Variants in FCRLB observed in about 807,000 individuals in gnomAD.
FCRLB encodes Fc receptor like B.
Under a neutral mutation model 33.6 loss-of-function variants are expected in FCRLB, and 34 were observed. The ratio of observed to expected loss-of-function variants is 1.01; its 90% CI spans 0.77 to 1.35. The LOEUF is 1.35. Among genes scored for constraint, FCRLB ranks in the 40% most tolerant of loss-of-function variants. The pLI is 0.00. For synonymous variants in FCRLB, 280 were observed against 255.9 expected, an observed-to-expected ratio of 1.09 and a Z score of -0.90; for missense variants, 560 against 580.2, an observed-to-expected ratio of 0.97 and a Z score of 0.36.
chr1:161,727,358 C>G, exon 8 of FCRLB: 1 of 1,613,768 alleles, frequency 6.2e-7, no homozygotes, highest in Non-Finnish European at 8.5e-7. Flanking sequence ...AGATCGGTCC[C>G]GTTGGTCACC....
At chr1:161,727,960 A>G (rs1319491211) in exon 8 of FCRLB, 3 of 307,950 alleles carry the variant, frequency 9.7e-6, no homozygotes, top group East Asian at 1.1e-4. Flanking sequence ...AAGCCTAGCC[A>G]GTACATATTT....
chr1:161,726,482 G>A lies in FCRLB; in HGVS notation c.575-221G>A, dbSNP rs1447471226. On this transcript the variant is annotated intron_variant, in intron 6 of 7. Transcript: ENST00000367948. The surrounding 1 kb of genome is among the most constrained non-coding windows in gnomAD (Gnocchi z 5.2). ...GTCGGGATGTGACATGAAGCGTCTG[G>A]CCTGGTCCCTCTTCCTTTCAAGCTT... The A allele has an allele frequency of 5.3e-6, 4 of 752,852 alleles. No individual in the cohort carries two copies. The highest frequency in any genetic ancestry group is 4.5e-4 in the Middle Eastern group (2 of 4,450). The allele number at this position is 752,852 out of a possible 1,614,324, so 46.6% of individuals were successfully genotyped here.
exon 8 of FCRLB, chr1:161,727,389 C>T (rs773850623): frequency 6.2e-6 from 10 of 1,613,600 alleles, no homozygotes; most frequent in South Asian, 1.1e-5. Flanking sequence ...ACACCACCTC[C>T]ACCGGGCTGC....
exon 8 of FCRLB, chr1:161,727,780 G>A (rs902986209): frequency 1.4e-5 from 18 of 1,313,838 alleles, no homozygotes; most frequent in Non-Finnish European, 1.8e-5. Flanking sequence ...GGTTTTTAAA[G>A]GAGCGCCCAC....
chr1:161,727,042 G>C (rs959499273), intron 7 of FCRLB, 49 bp downstream of exon 7: 2 of 1,444,860 alleles, frequency 1.4e-6, no homozygotes, highest in Non-Finnish European at 1.8e-6. Context: ...GGTCAGCCCT[G>C]CTTCCGCCTC....
rs201556818 is a variant in FCRLB, at chr1:161,722,686, C to G, written c.14C>G (p.Thr5Arg). Residue 5 changes from threonine to arginine, a missense_variant, in exon 3 of 8, where the codon ACA becomes AGA. Physicochemically the swap from Thr to Arg is moderately conservative, Grantham distance 71. Transcript: ENST00000367948. ...GTCAGATCCATCATGTGGCCACTGA[C>G]AGCCCTTCTGCTCCTGGGTGAGTCC... is the stretch of plus-strand genomic sequence containing the variant. 1.1e-5 allele frequency: 17 copies of G among 1,614,158 alleles called. No homozygotes were observed. Among genetic ancestry groups the G allele is most frequent in the South Asian group, 5.5e-5 (5 of 91,076 alleles).
At chr1:161,727,173 C>T in intron 7 of FCRLB, 74 bp from the exon 8 acceptor site, 2 of 1,477,510 alleles carry the variant, frequency 1.4e-6, no homozygotes, top group Non-Finnish European at 1.8e-6. Flanking sequence ...GCCCACCGCC[C>T]TACGCCCCTC....
intron 5 of FCRLB, among the ~76,000 whole-genome samples, chr1:161,723,828 T>G (rs956713433): frequency 6.6e-6 from 1 of 152,198 alleles, no homozygotes; most frequent in Non-Finnish European, 1.5e-5. Context: ...AAGGTCCCCT[T>G]ACCCTCCTGC....
chr1:161,722,059 T>C (rs1344680550), intron 2 of FCRLB, among the ~76,000 whole-genome samples: 1 of 152,218 alleles, frequency 6.6e-6, no homozygotes, highest in East Asian at 1.9e-4. Context: ...ATTGCATTTC[T>C]ATCCTTGACT....
exon 8 of FCRLB, chr1:161,727,603 CCCA>C (rs775526249): frequency 6.2e-7 from 1 of 1,613,970 alleles, no homozygotes; most frequent in Admixed American, 1.7e-5. Context: ...GCCCGAGACC[CCCA>C]CCTCTCACTT....
intron 5 of FCRLB, among the ~76,000 whole-genome samples, chr1:161,724,318 G>A (rs901067966): frequency 2.6e-5 from 4 of 151,744 alleles, no homozygotes; most frequent in South Asian, 2.1e-4. Flanking sequence ...TGCTGGGCAC[G>A]GTGGCTCAAG....
At chr1:161,727,396 C>T (rs1178032326) in exon 8 of FCRLB, 1 of 1,613,466 alleles carries the variant, frequency 6.2e-7, no homozygotes. Flanking sequence ...CTCCACCGGG[C>T]TGCAGTTCCC....
chr1:161,724,425 TAA>T (rs3039575), intron 5 of FCRLB, among the ~76,000 whole-genome samples: 57,414 of 112,130 alleles, frequency 0.51, 14,213 homozygotes, highest in East Asian at 0.72. Flanking sequence ...CACTCTCTAC[TAA>T]AAAAAAAAAA....
At chr1:161,727,176 C>G in intron 7 of FCRLB, 71 bp from the exon 8 acceptor site, 1 of 1,025,208 alleles carries the variant, frequency 9.8e-7, no homozygotes, top group South Asian at 1.5e-5. Flanking sequence ...CACCGCCCTA[C>G]GCCCCTCCCC....
At chr1:161,727,659 C>T (rs1683647554) in exon 8 of FCRLB, 2 of 1,588,882 alleles carry the variant, frequency 1.3e-6, no homozygotes, top group Non-Finnish European at 8.6e-7. Flanking sequence ...CTGTGGAGAG[C>T]TGAGGGGGCG....
rs573752662 is a variant in FCRLB at position 161,723,237 on chromosome 1, G to A, written c.53-130G>A. 5.2e-5 allele frequency: 61 copies of A among 1,174,276 alleles called. No individual in the cohort carries two copies. In the Middle Eastern group the frequency reaches 1.3e-3, roughly 26 times the overall value. 72.7% of individuals were successfully genotyped at this position (1,174,276 alleles called of 1,614,324 possible). Reference sequence around the variant, plus strand: ...ATGTGATCTCCTCTCCTGCAGGGATGGGTTAGTACATGGGCTGGGGCCTGC... The same window carrying A: ...ATGTGATCTCCTCTCCTGCAGGGATAGGTTAGTACATGGGCTGGGGCCTGC... On this transcript the variant is annotated intron_variant, in intron 4 of 7. Transcript: ENST00000367948.
At chr1:161,723,326 T>C in intron 4 of FCRLB, 41 bp from the exon 5 acceptor site, 1 of 1,602,750 alleles carries the variant, frequency 6.2e-7, no homozygotes, top group Non-Finnish European at 8.5e-7. Flanking sequence ...ACCTTGATTC[T>C]CTTTGCATGC....
At chr1:161,723,088 C>T (rs1378435530) in intron 4 of FCRLB, 79 bp downstream of exon 4, 3 of 1,544,680 alleles carry the variant, frequency 1.9e-6, no homozygotes, top group Non-Finnish European at 2.7e-6. Flanking sequence ...AAGTAGACTC[C>T]TCACTTCTTG....
At chr1:161,725,870 G>A (rs758733018) in exon 6 of FCRLB, 8 of 1,614,084 alleles carry the variant, frequency 5.0e-6, no homozygotes, top group African/African-American at 1.3e-5. Context: ...AGGGTGAGCC[G>A]CTAGTCCTGC....
Sources: allele counts gnomAD v4.1 joint callset (sites outside exome capture counted in the v4.1 genomes callset), GRCh38; gene constraint gnomAD v4.1.1; non-coding constraint Gnocchi (gnomAD v3.1); transcripts MANE v1.5; gene names NCBI Gene and HGNC (gene_info 2026-07-23, HGNC 2026-07-21).